Variants in CYP4Z1 observed in about 807,000 individuals in gnomAD.
The protein encoded by CYP4Z1 is cytochrome P450 family 4 subfamily Z member 1.
In CYP4Z1, 41 loss-of-function variants were observed where a neutral mutation model predicts 54.2. That is an observed-to-expected ratio of 0.76 (90% CI 0.59 to 0.98). The LOEUF (loss-of-function observed/expected upper bound fraction) is 0.98. Among genes scored for constraint, CYP4Z1 ranks in the 50% least tolerant of loss-of-function variants. CYP4Z1 has a pLI of 0.00. For missense variants in CYP4Z1, 513 were observed against 599.0 expected, an observed-to-expected ratio of 0.86 and a Z score of 1.50; for synonymous variants, 163 against 206.2, an observed-to-expected ratio of 0.79 and a Z score of 1.79.
Position 47,117,830 on chromosome 1 carries a change from CGCTTCAA to C in CYP4Z1, c.1418_1424del (p.Phe473TrpfsTer65). ...AGTGGCAGTGGCATTAACTCTGCTC[CGCTTCAA>C]GCTGGCTCCAGACCACTCAAGGCCT... On this transcript the variant is annotated frameshift_variant, in exon 12 of 12. Coordinates refer to ENST00000334194, the MANE Select transcript of CYP4Z1 (RefSeq NM_178134.3). LOFTEE classifies it low-confidence loss of function (END_TRUNC). 1 of 1,613,660 alleles carries C rather than the reference CGCTTCAA, an allele frequency of 6.2e-7. No homozygotes were observed. The highest frequency in any genetic ancestry group is 8.5e-7 in the Non-Finnish European group (1 of 1,179,804).
At chr1:47,055,755 C>T in the CYP4Z1 span, among the ~76,000 whole-genome samples, 38 of 152,200 alleles carry the variant, frequency 2.5e-4, no homozygotes, top group African/African-American at 6.5e-4. Context: ...TCTGTGGGAT[C>T]GGTGGTGATA....
chr1:47,056,351 A>G, the CYP4Z1 span, among the ~76,000 whole-genome samples: 2 of 152,076 alleles, frequency 1.3e-5, no homozygotes, highest in Admixed American at 6.6e-5. Flanking sequence ...TATGTGGTCA[A>G]TTTTGGAACA....
chr1:47,109,270 G>A (rs570880747), intron 9 of CYP4Z1, among the ~76,000 whole-genome samples: 1 of 152,312 alleles, frequency 6.6e-6, no homozygotes, highest in Non-Finnish European at 1.5e-5. Flanking sequence ...GTAGGATTGG[G>A]CTGCCAAATT....
At chr1:47,065,685 C>A (rs1424311286), upstream of CYP4Z1, among the ~76,000 whole-genome samples, 1 of 151,454 alleles carries the variant, frequency 6.6e-6, no homozygotes, top group East Asian at 1.9e-4. Context: ...AAGATCAGGG[C>A]AGAACTAAAT....
In CYP4Z1 at chr1:47,115,586, AC is replaced by A; in HGVS notation, c.1262del (p.Pro421LeufsTer7). The A allele has an allele frequency of 6.2e-7, 1 of 1,613,510 alleles. No homozygotes were observed. The highest frequency in any genetic ancestry group is 8.5e-7 in the Non-Finnish European group (1 of 1,179,692). On this transcript the variant is annotated frameshift_variant, in exon 10 of 12. Coordinates refer to ENST00000334194, the MANE Select transcript of CYP4Z1 (RefSeq NM_178134.3). LOFTEE classifies it high-confidence loss of function. ...CACCACAACCCCTATTTCTGGGAAG[AC>A]CCTCAGGTATGATTGTCCCAACTGC... ...ALHHNPYFWE[D>X]PQVFNPLRFS...
At chr1:47,083,883 T>C (rs894022418) in intron 4 of CYP4Z1, among the ~76,000 whole-genome samples, 10 of 152,280 alleles carry the variant, frequency 6.6e-5, no homozygotes, top group African/African-American at 2.4e-4. Flanking sequence ...TCCATGACAG[T>C]TGCAATCTTT....
intron 2 of CYP4Z1, among the ~76,000 whole-genome samples, chr1:47,073,980 G>T (rs1644500425): frequency 1.3e-5 from 2 of 150,004 alleles, no homozygotes; most frequent in South Asian, 2.1e-4. Context: ...TTCCTTTTGT[G>T]GCCTGTGCTT....
chr1:47,101,416 A>G (rs1038583683), intron 8 of CYP4Z1, among the ~76,000 whole-genome samples: 3 of 152,048 alleles, frequency 2.0e-5, no homozygotes, highest in African/African-American at 7.2e-5. Context: ...CACTGCTTTT[A>G]CTGTATGTCA....
At position 47,094,584 on chromosome 1, in the gene CYP4Z1, G is replaced by A. The variant is rs377341729; in HGVS notation, c.791G>A (p.Arg264Gln). 45 of 1,594,380 alleles carry A rather than the reference G, an allele frequency of 2.8e-5. No homozygotes were observed. Among genetic ancestry groups the A allele is most frequent in the Middle Eastern group, 3.3e-4 (2 of 6,022 alleles). ...HQFTEKVIQD[R>Q]KESLKDKLKQ... ...CATCTAGAGAAAGTAATCCAGGACC[G>A]GAAGGAGTCTCTTAAGGATAAGCTA... The change falls in exon 7 of 12, where the codon CGG (arginine) becomes CAG (glutamine). Residue 264 changes from arginine to glutamine, a missense_variant. Physicochemically the swap from Arg to Gln is conservative, Grantham distance 43 (BLOSUM62 1). Transcript: ENST00000334194.
intron 9 of CYP4Z1, among the ~76,000 whole-genome samples, chr1:47,112,649 G>A (rs969568145): frequency 6.6e-6 from 1 of 152,074 alleles, no homozygotes; most frequent in Non-Finnish European, 1.5e-5. Context: ...GGCTGGGCAG[G>A]TGGCTCATGC....
Position 47,084,829 on chromosome 1 carries a change from T to C in CYP4Z1, c.623T>C (p.Leu208Pro), listed in dbSNP as rs1364010627. ...TTCCATCTTCCCTATTCCAGTACCC[T>C]GGACTCATACCTGAAAGCAGTGTTC... is the stretch of plus-strand genomic sequence containing the variant. ...HQGSIQLDST[L>P]DSYLKAVFNL... Residue 208 changes from leucine (L) to proline (P), a missense_variant, in exon 6 of 12, where the codon CTG (leucine) becomes CCG (proline). Transcript: ENST00000334194. 2 of 1,531,804 alleles carry C rather than the reference T, an allele frequency of 1.3e-6. No individual in the cohort carries two copies. Among genetic ancestry groups the C allele is most frequent in the Admixed American group, 2.2e-5 (1 of 44,516 alleles). The allele number at this position is 1,531,804 out of a possible 1,614,324, so 94.9% of individuals were successfully genotyped here.
chr1:47,118,278 T>C lies in CYP4Z1; in HGVS notation c.*344T>C, dbSNP rs1644845573. On this transcript the variant is annotated 3_prime_UTR_variant, in exon 12 of 12. Coordinates refer to ENST00000334194, the MANE Select transcript of CYP4Z1 (RefSeq NM_178134.3). ...TCTGCAAATATCTGCATGATAGCTT[T>C]ATTCTCAGTTATCTTTCCCCATAAT... The C allele has an allele frequency of 5.7e-6, 1 of 176,898 alleles. No homozygotes were observed. The highest frequency in any genetic ancestry group is 2.4e-5 in the African/African-American group (1 of 42,188). 11.0% of individuals were successfully genotyped at this position (176,898 alleles called of 1,614,324 possible).
the CYP4Z1 span, among the ~76,000 whole-genome samples, chr1:47,059,986 A>G: frequency 6.6e-6 from 1 of 152,138 alleles, no homozygotes; most frequent in Non-Finnish European, 1.5e-5. Flanking sequence ...TTGAAAATTT[A>G]TTTCATGAAC....
chr1:47,115,482 A>G (rs200380192), intron 9 of CYP4Z1, 47 bp from the exon 10 acceptor site: 1 of 1,530,054 alleles, frequency 6.5e-7, no homozygotes, highest in East Asian at 2.3e-5. Context: ...AAAAAAAGAC[A>G]GAATCTTCGC....
intron 7 of CYP4Z1, among the ~76,000 whole-genome samples, chr1:47,098,062 C>A (rs535542808): frequency 6.6e-5 from 10 of 152,212 alleles, no homozygotes; most frequent in African/African-American, 2.4e-4. Context: ...AGTGATCCTC[C>A]CAACTCGGCC....
At chr1:47,086,950 A>G (rs1053850252) in intron 6 of CYP4Z1, among the ~76,000 whole-genome samples, 7 of 152,226 alleles carry the variant, frequency 4.6e-5, no homozygotes, top group African/African-American at 1.7e-4. Context: ...TTAAATAGGG[A>G]ATCCTTTCCT....
At chr1:47,104,509 A>G (rs1644743325) in intron 8 of CYP4Z1, among the ~76,000 whole-genome samples, 1 of 152,208 alleles carries the variant, frequency 6.6e-6, no homozygotes, top group Non-Finnish European at 1.5e-5. Flanking sequence ...GGCATCAGGC[A>G]TGTCGGACAA....
intron 6 of CYP4Z1, among the ~76,000 whole-genome samples, chr1:47,085,822 T>G (rs1055538686): frequency 1.3e-5 from 2 of 151,420 alleles, no homozygotes; most frequent in Non-Finnish European, 2.9e-5. Flanking sequence ...TAGGTATATC[T>G]CCTAATGCTA....
At chr1:47,100,782 A>G (rs1644715375) in intron 8 of CYP4Z1, among the ~76,000 whole-genome samples, 1 of 152,232 alleles carries the variant, frequency 6.6e-6, no homozygotes, top group Non-Finnish European at 1.5e-5. Context: ...AAAGTTCAGT[A>G]CTATCCATGG....
Sources: allele counts gnomAD v4.1 joint callset (sites outside exome capture counted in the v4.1 genomes callset), GRCh38; gene constraint gnomAD v4.1.1; transcripts MANE v1.5; gene names NCBI Gene and HGNC (gene_info 2026-07-23, HGNC 2026-07-21).